Variants in AKR1C8 observed in about 807,000 individuals in gnomAD.
AKR1C8 encodes the protein aldo-keto reductase family 1 member C8.
chr10:5,184,871 G>A, the AKR1C8 span: 1 of 307,508 alleles, frequency 3.3e-6, no homozygotes, highest in Non-Finnish European at 6.7e-6. Flanking sequence ...CTTGAGAGGA[G>A]CAAGTTAGAG....
At chr10:5,121,515 T>G in the AKR1C8 span, among the ~76,000 whole-genome samples, 21 of 151,968 alleles carry the variant, frequency 1.4e-4, no homozygotes, top group Non-Finnish European at 2.9e-4. Context: ...AGACATAAAT[T>G]TGGGAGATAT....
At chr10:5,174,526 C>CTGTT in the AKR1C8 span, among the ~76,000 whole-genome samples, 79,476 of 151,286 alleles carry the variant, frequency 0.53, 21,816 homozygotes, top group Non-Finnish European at 0.6. Flanking sequence ...CCTTTACAAA[C>CTGTT]TGACTTTCAT....
At chr10:5,157,839 G>A in the AKR1C8 span, 1 of 450,644 alleles carries the variant, frequency 2.2e-6, no homozygotes, top group Non-Finnish European at 4.6e-6. Context: ...GAAGGATGCA[G>A]GATGGAAAAT....
At chr10:5,124,717 C>CCT in the AKR1C8 span, among the ~76,000 whole-genome samples, 2 of 151,942 alleles carry the variant, frequency 1.3e-5, no homozygotes, top group Non-Finnish European at 2.9e-5. Context: ...TATAACTTTA[C>CCT]CTCTTGATAA....
At chr10:5,162,071 C>T in the AKR1C8 span, 1 of 431,062 alleles carries the variant, frequency 2.3e-6, no homozygotes, top group Non-Finnish European at 4.7e-6. Context: ...AGTCTTAAAA[C>T]ACTGTGGTCC....
chr10:5,138,591 G>C, the AKR1C8 span, among the ~76,000 whole-genome samples: 3 of 152,134 alleles, frequency 2.0e-5, no homozygotes, highest in South Asian at 6.2e-4. Context: ...TACATCCTCA[G>C]CTTATGAAGA....
chr10:5,119,421 T>C, the AKR1C8 span, among the ~76,000 whole-genome samples: 3 of 152,156 alleles, frequency 2.0e-5, no homozygotes, highest in Non-Finnish European at 4.4e-5. Flanking sequence ...GATTTCATGA[T>C]TGTAAAAATG....
the AKR1C8 span, among the ~76,000 whole-genome samples, chr10:5,184,674 G>A: frequency 1.6e-4 from 24 of 152,250 alleles, no homozygotes; most frequent in African/African-American, 5.3e-4. Context: ...ACCTAGGCCA[G>A]TTGTTAAGGA....
At chr10:5,123,748 C>A in the AKR1C8 span, 9 of 1,613,332 alleles carry the variant, frequency 5.6e-6, no homozygotes, top group Non-Finnish European at 7.6e-6. Context: ...GCACTGTGGG[C>A]AACCAGAACA....
chr10:5,161,251 G>C, the AKR1C8 span, among the ~76,000 whole-genome samples: 1 of 152,160 alleles, frequency 6.6e-6, no homozygotes, highest in African/African-American at 2.4e-5. Flanking sequence ...GGACAAGCTG[G>C]TGTGGAGGAC....
At chr10:5,177,575 T>G in the AKR1C8 span, among the ~76,000 whole-genome samples, 1 of 152,212 alleles carries the variant, frequency 6.6e-6, no homozygotes, top group South Asian at 2.1e-4. Flanking sequence ...TCCTTGTACC[T>G]GTGGTAGAAT....
chr10:5,132,770 C>G, the AKR1C8 span: 4 of 1,318,174 alleles, frequency 3.0e-6, no homozygotes, highest in South Asian at 5.1e-5. Flanking sequence ...TCCTAGGAAC[C>G]CGGAGGAGTA....
the AKR1C8 span, among the ~76,000 whole-genome samples, chr10:5,158,088 C>T: frequency 6.6e-6 from 1 of 152,186 alleles, no homozygotes; most frequent in Non-Finnish European, 1.5e-5. Flanking sequence ...TACATGAATG[C>T]AGCTCACAGA....
At chr10:5,126,034 C>T in the AKR1C8 span, among the ~76,000 whole-genome samples, 14 of 152,184 alleles carry the variant, frequency 9.2e-5, no homozygotes, top group Non-Finnish European at 1.9e-4. Flanking sequence ...CAGATCTTTA[C>T]ACTGGTGGGA....
the AKR1C8 span, among the ~76,000 whole-genome samples, chr10:5,135,971 G>A: frequency 6.6e-6 from 1 of 152,084 alleles, no homozygotes; most frequent in Non-Finnish European, 1.5e-5. Context: ...AAAAGAAAAT[G>A]CAGAAATTAT....
the AKR1C8 span, among the ~76,000 whole-genome samples, chr10:5,179,561 T>A: frequency 6.6e-6 from 1 of 151,650 alleles, no homozygotes; most frequent in East Asian, 1.9e-4. Context: ...CTGGATAATA[T>A]CCTGCAGAGG....
At chr10:5,144,455 T>G in the AKR1C8 span, among the ~76,000 whole-genome samples, 20 of 152,068 alleles carry the variant, frequency 1.3e-4, no homozygotes, top group East Asian at 1.9e-3. Flanking sequence ...ATCTGTAAAT[T>G]ACCTTGGGCA....
chr10:5,177,711 G>A, the AKR1C8 span, among the ~76,000 whole-genome samples: 14 of 152,180 alleles, frequency 9.2e-5, no homozygotes, highest in East Asian at 2.5e-3. Flanking sequence ...GTCTTGGGAG[G>A]GTGTATGTGT....
At chr10:5,160,087 A>G in the AKR1C8 span, 1 of 291,124 alleles carries the variant, frequency 3.4e-6, no homozygotes, top group South Asian at 2.7e-5. Context: ...AATGCTGGAA[A>G]TCTGTTTTAA....
Sources: gnomAD v4.1 joint callset for allele counts (sites outside exome capture counted in the v4.1 genomes callset) on GRCh38, gnomAD v4.1.1 for gene constraint, MANE v1.5 for transcripts, NCBI Gene and HGNC (gene_info 2026-07-23, HGNC 2026-07-21) for gene names.